Variants in RAD51B observed in about 807,000 individuals in gnomAD.
RAD51B encodes RAD51 paralog B, also known as DNA repair protein RAD51 homolog 2.
In RAD51B, 38 loss-of-function variants were observed where a neutral mutation model predicts 42.2. The ratio of observed to expected loss-of-function variants is 0.90; its 90% CI spans 0.70 to 1.18. The LOEUF (loss-of-function observed/expected upper bound fraction) is 1.18. RAD51B is among the 50% of genes most tolerant of loss of function. The pLI, the probability that RAD51B is intolerant of heterozygous loss-of-function variation, is 0.00. For synonymous variants in RAD51B, 154 were observed against 145.2 expected, an observed-to-expected ratio of 1.06 and a Z score of -0.43; for missense variants, 373 against 400.7, an observed-to-expected ratio of 0.93 and a Z score of 0.59.
chr14:68,186,535 C>G (rs527386654), intron 7 of RAD51B, among the ~76,000 whole-genome samples: 1 of 152,206 alleles, frequency 6.6e-6, no homozygotes, highest in East Asian at 1.9e-4. Context: ...CCAAATAACA[C>G]TATTAAAAGA....
At chr14:68,306,713 C>A (rs1174750107) in intron 8 of RAD51B, 1 of 483,648 alleles carries the variant, frequency 2.1e-6, no homozygotes, top group Non-Finnish European at 4.1e-6. Flanking sequence ...GTTGAAAACA[C>A]ATGAGTTAGT....
At chr14:68,028,409 A>G (rs1265948251) in intron 7 of RAD51B, among the ~76,000 whole-genome samples, 1 of 152,204 alleles carries the variant, frequency 6.6e-6, no homozygotes, top group Non-Finnish European at 1.5e-5. Flanking sequence ...TTGACCTTGC[A>G]GAGGGATGCA....
intron 4 of RAD51B, among the ~76,000 whole-genome samples, chr14:67,847,234 C>T (rs2041646206): frequency 6.6e-6 from 1 of 152,048 alleles, no homozygotes; most frequent in African/African-American, 2.4e-5. Flanking sequence ...ATGTGTTCCT[C>T]CTGGCTGCGT....
At position 67,954,405 on chromosome 14, in the gene RAD51B, C is replaced by T. The variant is rs538895691; in HGVS notation, c.756+67201C>T. 3.3e-5 allele frequency among the ~76,000 whole-genome samples: 5 copies of T among 152,228 alleles called. No individual in the cohort carries two copies. The South Asian group carries it at 6.2e-4, about 19-fold the overall frequency. The stretch of plus-strand genomic sequence containing the variant: ...TTTTGTAGGTTTGGATGCTGACTCT[C>T]GTGTTTGCTTTCTAAATCAGCACCT... On this transcript the variant is annotated intron_variant, in intron 7 of 10. Coordinates refer to ENST00000471583, the MANE Select transcript of RAD51B (RefSeq NM_133510.4).
At chr14:67,857,446 G>A (rs549226273) in intron 4 of RAD51B, among the ~76,000 whole-genome samples, 2 of 152,242 alleles carry the variant, frequency 1.3e-5, no homozygotes, top group East Asian at 3.9e-4. Context: ...AGTTGCCCTT[G>A]TTTAACTTTT....
chr14:68,238,181 A>G (rs757764114), intron 7 of RAD51B, among the ~76,000 whole-genome samples: 1 of 152,124 alleles, frequency 6.6e-6, no homozygotes, highest in Admixed American at 6.5e-5. Flanking sequence ...ATCCTTGCCA[A>G]CACTTTTTAT....
chr14:67,823,585 G>A lies in RAD51B; in HGVS notation c.42G>A (p.Glu14=), dbSNP rs2040709197. ...TAAAACGAGTGGGTTTATCACAAGAGCTGTGTGACCGTCTGAGTAGACATC... is the reference window on the plus strand; with the variant it reads ...TAAAACGAGTGGGTTTATCACAAGAACTGTGTGACCGTCTGAGTAGACATC... ...KKLKRVGLSQ[E]LCDRLSRHQI... is the part of the protein sequence containing the mutation. The change falls in exon 2 of 11, where the codon GAG becomes GAA. Residue 14 remains glutamate (E), a synonymous_variant. Transcript: ENST00000471583. 1 of 1,613,788 alleles carries A rather than the reference G, an allele frequency of 6.2e-7. No homozygotes were observed. Among genetic ancestry groups the A allele is most frequent in the African/African-American group, 1.3e-5 (1 of 74,990 alleles).
intron 10 of RAD51B, among the ~76,000 whole-genome samples, chr14:68,518,073 G>A (rs1886283165): frequency 2.0e-5 from 3 of 152,202 alleles, no homozygotes; most frequent in African/African-American, 7.2e-5. Flanking sequence ...AGTACCTGCA[G>A]TGTGGGACAA....
chr14:68,658,776 T>C (rs1357383044), intron 11 of RAD51B, among the ~76,000 whole-genome samples: 1 of 152,214 alleles, frequency 6.6e-6, no homozygotes, highest in Admixed American at 6.5e-5. Context: ...AAGTGCCTGA[T>C]TTTGTGTGGA....
At chr14:68,491,006 AT>A (rs1884027541) in intron 10 of RAD51B, among the ~76,000 whole-genome samples, 1 of 152,158 alleles carries the variant, frequency 6.6e-6, no homozygotes, top group African/African-American at 2.4e-5. Context: ...GTAGTCACAA[AT>A]TTTTCTCCAG....
chr14:68,618,814 T>G lies in RAD51B; in HGVS notation c.1037-31967T>G, dbSNP rs557069843. Among the ~76,000 whole-genome samples, 6 of 152,306 alleles carry G rather than the reference T, an allele frequency of 3.9e-5. No homozygotes were observed. In the South Asian group the frequency reaches 1.2e-3, roughly 32 times the overall value. On this transcript the variant is annotated intron_variant, in intron 10 of 11. Transcript: ENST00000488612. The stretch of plus-strand genomic sequence containing the variant: ...GGAGGCTGTACCATAACAGCAGACC[T>G]GAGGAAAGAAGTGCCCCCTCCACCT...
At chr14:68,198,174 G>A (rs78366086) in intron 7 of RAD51B, among the ~76,000 whole-genome samples, 2,968 of 151,900 alleles carry the variant, frequency 0.02, 104 homozygotes, top group African/African-American at 0.068. Flanking sequence ...TTTTTCCAGC[G>A]TTCTCTAGCT....
At chr14:67,934,476 T>C (rs2044861150) in intron 7 of RAD51B, among the ~76,000 whole-genome samples, 3 of 152,170 alleles carry the variant, frequency 2.0e-5, no homozygotes, top group Admixed American at 2.0e-4. Context: ...CATTTCTTTA[T>C]TTATTTGACA....
At chr14:67,967,825 A>G (rs976474748) in intron 7 of RAD51B, among the ~76,000 whole-genome samples, 3 of 152,054 alleles carry the variant, frequency 2.0e-5, no homozygotes, top group Non-Finnish European at 4.4e-5. Context: ...GGTCTGGAGG[A>G]TGGTGGCCCT....
chr14:67,991,280 CT>C (rs2140292728), intron 7 of RAD51B, among the ~76,000 whole-genome samples: 1 of 152,182 alleles, frequency 6.6e-6, no homozygotes, highest in South Asian at 2.1e-4. Flanking sequence ...GAATTGAATC[CT>C]TAGTAAAGTT....
chr14:68,479,667 C>CTTT (rs34999023), downstream of RAD51B, among the ~76,000 whole-genome samples: 878 of 96,346 alleles, frequency 9.1e-3, 29 homozygotes, highest in African/African-American at 0.017. Context: ...TCTTATTCTT[C>CTTT]TTTTTTTTTT....
chr14:67,866,559 T>C (rs2042341391), intron 5 of RAD51B, among the ~76,000 whole-genome samples: 1 of 152,374 alleles, frequency 6.6e-6, no homozygotes, highest in East Asian at 1.9e-4. Flanking sequence ...ATTTCTGCTT[T>C]CTTTGCACCA....
chr14:67,980,210 C>T (rs150123513), intron 7 of RAD51B, among the ~76,000 whole-genome samples: 4 of 152,074 alleles, frequency 2.6e-5, no homozygotes, highest in African/African-American at 9.6e-5. Context: ...TTTGGGAGGC[C>T]GAGGCAGGTG....
chr14:68,411,334 A>T, intron 8 of RAD51B, 90 bp from the exon 9 acceptor site: 1 of 1,048,222 alleles, frequency 9.5e-7, no homozygotes, highest in Non-Finnish European at 1.5e-6. Context: ...TACTCTCTGG[A>T]CTACTGGCAA....
Sources: allele counts gnomAD v4.1 joint callset (sites outside exome capture counted in the v4.1 genomes callset), GRCh38; gene constraint gnomAD v4.1.1; transcripts MANE v1.5; gene names NCBI Gene and HGNC (gene_info 2026-07-23, HGNC 2026-07-21).